The following C3orf49 variants were observed in gnomAD, a reference collection of about 807,000 sequenced individuals.
C3orf49 encodes the protein chromosome 3 open reading frame 49, also known as putative uncharacterized protein C3orf49.
A neutral mutation model predicts 13.3 loss-of-function variants in C3orf49; 27 were observed. The observed-to-expected ratio is 2.02, with a 90% CI of 1.49 to 2.79. C3orf49 has a LOEUF of 2.79. Among genes scored for constraint, C3orf49 ranks in the 30% most tolerant of loss-of-function variants. The pLI is 0.00. For missense variants in C3orf49, 242 were observed against 134.2 expected, an observed-to-expected ratio of 1.80 and a Z score of -3.97; for synonymous variants, 87 against 47.6, an observed-to-expected ratio of 1.83 and a Z score of -3.40.
the C3orf49 span, among the ~76,000 whole-genome samples, chr3:63,789,318 C>A: frequency 6.6e-6 from 1 of 152,210 alleles, no homozygotes; most frequent in Non-Finnish European, 1.5e-5. Context: ...TTGTCTTCCA[C>A]AAAACCAGTC....
chr3:63,834,112 G>C (rs748273854), intron 5 of C3orf49: 1 of 1,613,112 alleles, frequency 6.2e-7, no homozygotes, highest in East Asian at 2.2e-5. Context: ...ATTCCTGGGA[G>C]TGGTGGGCAA....
At chr3:63,790,437 T>C in the C3orf49 span, among the ~76,000 whole-genome samples, 2 of 152,308 alleles carry the variant, frequency 1.3e-5, no homozygotes, top group Middle Eastern at 3.4e-3. Context: ...GGCTATACAA[T>C]AGAACCACCT....
chr3:63,785,198 A>T, the C3orf49 span, among the ~76,000 whole-genome samples: 3 of 148,786 alleles, frequency 2.0e-5, 1 homozygote, highest in South Asian at 6.4e-4. Flanking sequence ...CAGCCTCCCG[A>T]GTAGCTGGGA....
upstream of C3orf49, among the ~76,000 whole-genome samples, chr3:63,817,818 C>T (rs574491939): frequency 3.9e-5 from 6 of 152,080 alleles, no homozygotes; most frequent in Non-Finnish European, 5.9e-5. Context: ...TGTACATAGA[C>T]ACCCATGCAC....
chr3:63,828,338 C>T (rs568137319), intron 3 of C3orf49, among the ~76,000 whole-genome samples: 5 of 152,214 alleles, frequency 3.3e-5, no homozygotes, highest in Non-Finnish European at 5.9e-5. Context: ...CTCACTCTGT[C>T]GCCCAGGCTG....
At chr3:63,780,289 CT>C in the C3orf49 span, among the ~76,000 whole-genome samples, 1 of 152,108 alleles carries the variant, frequency 6.6e-6, no homozygotes, top group East Asian at 1.9e-4. Flanking sequence ...TGGTTTCCAG[CT>C]TCATCCATGT....
intron 5 of C3orf49, chr3:63,834,294 AT>A: frequency 8.2e-7 from 1 of 1,224,096 alleles, no homozygotes; most frequent in Non-Finnish European, 1.2e-6. Context: ...TTATTAGCCA[AT>A]ACAATTAAAG....
intron 5 of C3orf49, among the ~76,000 whole-genome samples, chr3:63,841,007 T>C (rs1430127758): frequency 4.6e-5 from 7 of 152,238 alleles, no homozygotes; most frequent in Admixed American, 1.3e-4. Context: ...CTGTTTATAG[T>C]AGAAAGATTG....
At chr3:63,806,710 T>C in the C3orf49 span, among the ~76,000 whole-genome samples, 2 of 152,168 alleles carry the variant, frequency 1.3e-5, no homozygotes, top group African/African-American at 4.8e-5. Flanking sequence ...TTCTACAGCA[T>C]TTTTAACTTC....
intron 5 of C3orf49, chr3:63,836,468 G>C (rs1001258430): frequency 2.1e-6 from 2 of 968,042 alleles, no homozygotes; most frequent in Admixed American, 2.1e-5. Context: ...AGTACATCAA[G>C]AAATGAAATC....
chr3:63,784,087 C>T, the C3orf49 span, among the ~76,000 whole-genome samples: 4 of 152,306 alleles, frequency 2.6e-5, no homozygotes, highest in African/African-American at 7.2e-5. Flanking sequence ...AATAGTTACT[C>T]TCTGTAAAAC....
the C3orf49 span, among the ~76,000 whole-genome samples, chr3:63,812,469 C>A: frequency 6.6e-6 from 1 of 152,282 alleles, no homozygotes; most frequent in South Asian, 2.1e-4. Flanking sequence ...AGATAAAAAT[C>A]TTTACCCAAA....
At chr3:63,846,209 C>A (rs1216244280) in intron 6 of C3orf49, 1 of 451,584 alleles carries the variant, frequency 2.2e-6, no homozygotes, top group Non-Finnish European at 4.5e-6. Flanking sequence ...TCTGAATTGC[C>A]TTTCTTCCCT....
the C3orf49 span, among the ~76,000 whole-genome samples, chr3:63,783,633 G>C: frequency 6.6e-6 from 1 of 151,716 alleles, no homozygotes; most frequent in South Asian, 2.1e-4. Flanking sequence ...CACGAGAATG[G>C]TGTGAACCCA....
the C3orf49 span, among the ~76,000 whole-genome samples, chr3:63,791,887 C>T: frequency 1.8e-4 from 27 of 152,150 alleles, no homozygotes; most frequent in Non-Finnish European, 3.4e-4. Flanking sequence ...GGGCCTTCAA[C>T]AAAGTGTTGA....
At chr3:63,844,278 G>A (rs1179132636) in intron 5 of C3orf49, among the ~76,000 whole-genome samples, 1 of 152,150 alleles carries the variant, frequency 6.6e-6, no homozygotes, top group African/African-American at 2.4e-5. Flanking sequence ...AATTTCAAGA[G>A]ACCTAATTGT....
intron 5 of C3orf49, chr3:63,832,738 A>C (rs1475316611): frequency 6.6e-6 from 1 of 152,198 alleles, no homozygotes; most frequent in East Asian, 1.9e-4. Context: ...AATTCTTACT[A>C]ATAATGGAAA....
chr3:63,819,833 A>T (rs902796767), intron 1 of C3orf49, among the ~76,000 whole-genome samples: 10 of 152,212 alleles, frequency 6.6e-5, no homozygotes, highest in Non-Finnish European at 1.2e-4. Flanking sequence ...TCAATGTGGC[A>T]TAGGAGACTA....
At chr3:63,839,281 A>G (rs1701704706) in intron 5 of C3orf49, among the ~76,000 whole-genome samples, 1 of 152,192 alleles carries the variant, frequency 6.6e-6, no homozygotes, top group South Asian at 2.1e-4. Context: ...ATTAAAGTTA[A>G]TGGCAGAAAT....
Sources: gnomAD v4.1 joint callset for allele counts (sites outside exome capture counted in the v4.1 genomes callset) on GRCh38, gnomAD v4.1.1 for gene constraint, MANE v1.5 for transcripts, NCBI Gene and HGNC (gene_info 2026-07-23, HGNC 2026-07-21) for gene names.